Variants in UNC13C observed in about 807,000 individuals in gnomAD.
The protein encoded by UNC13C is unc-13 homolog C.
A neutral mutation model predicts 245.4 loss-of-function variants in UNC13C; 174 were observed. That is an observed-to-expected ratio of 0.71 (90% CI 0.63 to 0.80). The LOEUF (loss-of-function observed/expected upper bound fraction) is 0.80. Among genes scored for constraint, UNC13C ranks in the 30% least tolerant of loss-of-function variants. The pLI is 0.00. For synonymous variants in UNC13C, 992 were observed against 895.1 expected (o/e 1.11, Z -1.93); for missense variants, 2,829 against 2,602.9 (o/e 1.09, Z -1.89).
At chr15:54,086,415 A>G (rs1325939598) in intron 2 of UNC13C, among the ~76,000 whole-genome samples, 1 of 152,168 alleles carries the variant, frequency 6.6e-6, no homozygotes, top group Non-Finnish European at 1.5e-5. Context: ...TATCTCCTTA[A>G]GAGTCACATG....
At chr15:54,288,975 A>G (rs1029347886) in intron 10 of UNC13C, among the ~76,000 whole-genome samples, 3 of 152,096 alleles carry the variant, frequency 2.0e-5, no homozygotes, top group African/African-American at 7.2e-5. Flanking sequence ...GCTACCATTC[A>G]TTTTGACTCG....
At chr15:54,395,483 A>G (rs1334119868) in intron 18 of UNC13C, among the ~76,000 whole-genome samples, 5 of 151,938 alleles carry the variant, frequency 3.3e-5, no homozygotes, top group Admixed American at 3.3e-4. Flanking sequence ...CAATTGACAC[A>G]GAAGTCTGCA....
Position 54,584,010 on chromosome 15 carries a change from G to C in UNC13C, c.6106+16063G>C, listed in dbSNP as rs555434634. On this transcript the variant is annotated intron_variant, in intron 30 of 32. Transcript: ENST00000260323. Reference sequence around the variant, plus strand: ...CCAGACTTCCCCTCGGGCTCCTGCCGCTCTCTGGACCTCTCTGGGATGTGT... The same window carrying C: ...CCAGACTTCCCCTCGGGCTCCTGCCCCTCTCTGGACCTCTCTGGGATGTGT... 2.0e-3 allele frequency among the ~76,000 whole-genome samples: 299 copies of C among 152,240 alleles called. 4 individuals carry two copies. The highest frequency in any genetic ancestry group is 6.9e-3 in the African/African-American group (287 of 41,540).
At chr15:54,220,594 A>G (rs992496967) in intron 4 of UNC13C, among the ~76,000 whole-genome samples, 1 of 149,292 alleles carries the variant, frequency 6.7e-6, no homozygotes. Context: ...CTTAAAGTAT[A>G]ATAATAATAA....
chr15:53,903,650 C>A, the UNC13C span, among the ~76,000 whole-genome samples: 1 of 152,174 alleles, frequency 6.6e-6, no homozygotes, highest in Non-Finnish European at 1.5e-5. Context: ...CACGACTGTT[C>A]AAGACCTACT....
chr15:54,255,448 C>A (rs773466534), intron 8 of UNC13C, among the ~76,000 whole-genome samples: 9 of 152,050 alleles, frequency 5.9e-5, no homozygotes, highest in African/African-American at 2.2e-4. Flanking sequence ...GATAGTCTGC[C>A]GACGTGACGA....
At chr15:54,084,686 A>C (rs996912614) in intron 2 of UNC13C, among the ~76,000 whole-genome samples, 1 of 152,230 alleles carries the variant, frequency 6.6e-6, no homozygotes, top group African/African-American at 2.4e-5. Flanking sequence ...ACATAAAAAC[A>C]TGCAGAATAT....
At chr15:54,043,747 C>G (rs536720315) in intron 2 of UNC13C, among the ~76,000 whole-genome samples, 1 of 152,278 alleles carries the variant, frequency 6.6e-6, no homozygotes, top group South Asian at 2.1e-4. Context: ...GTGTCCTACT[C>G]TTTTCATCTA....
At chr15:54,375,881 A>G (rs2039596490) in intron 17 of UNC13C, among the ~76,000 whole-genome samples, 1 of 152,232 alleles carries the variant, frequency 6.6e-6, no homozygotes, top group African/African-American at 2.4e-5. Flanking sequence ...GTGTGACAAT[A>G]AATGTATATT....
At chr15:54,531,254 G>A (rs940064020) in intron 25 of UNC13C, among the ~76,000 whole-genome samples, 6 of 152,136 alleles carry the variant, frequency 3.9e-5, no homozygotes, top group Non-Finnish European at 8.8e-5. Flanking sequence ...GAAGCCATGG[G>A]ACTAGATGTG....
At chr15:53,894,152 G>A in the UNC13C span, among the ~76,000 whole-genome samples, 159 of 152,276 alleles carry the variant, frequency 1.0e-3, no homozygotes, top group South Asian at 2.7e-3. Flanking sequence ...GCTTTGGCTC[G>A]CCCTCTGTGG....
At chr15:54,554,156 T>A (rs542165838) in intron 28 of UNC13C, among the ~76,000 whole-genome samples, 115 of 152,100 alleles carry the variant, frequency 7.6e-4, no homozygotes, top group South Asian at 1.9e-3. Flanking sequence ...ACAATCCAAT[T>A]ACCAAAAATT....
At position 54,627,093 on chromosome 15, in the gene UNC13C, T is replaced by G. The variant is rs769379015; in HGVS notation, c.6625T>G (p.Ser2209Ala). 3 of 1,612,006 alleles carry G rather than the reference T, an allele frequency of 1.9e-6. No homozygotes were observed. Among genetic ancestry groups the G allele is most frequent in the Non-Finnish European group, 2.5e-6 (3 of 1,178,828 alleles). ...EFVRLKSETRSTEESA is the reference protein window; with the variant it reads ...EFVRLKSETRATEESA ...TGTAAGACTTAAATCTGAAACAAGA[T>G]CTACTGAAGAGAGTGCTTGAAACAA... The change falls in exon 33 of 33, where the codon TCT becomes GCT. Residue 2209 changes from serine to alanine, a missense_variant. By Grantham distance (99) the Ser-to-Ala change is moderately conservative (BLOSUM62 1). Transcript: ENST00000260323.
chr15:54,405,209 G>T (rs555307918), intron 18 of UNC13C, among the ~76,000 whole-genome samples: 5 of 152,150 alleles, frequency 3.3e-5, no homozygotes, highest in Non-Finnish European at 7.4e-5. Flanking sequence ...CATTTGACAA[G>T]TGAGAAAATG....
intron 30 of UNC13C, among the ~76,000 whole-genome samples, chr15:54,594,304 C>T (rs570858087): frequency 1.3e-5 from 2 of 152,166 alleles, no homozygotes; most frequent in African/African-American, 4.8e-5. Context: ...GGGTTGACCT[C>T]CTGCCAGGAG....
chr15:54,198,286 C>G (rs1377604095), intron 4 of UNC13C, among the ~76,000 whole-genome samples: 5 of 152,094 alleles, frequency 3.3e-5, no homozygotes, highest in African/African-American at 1.2e-4. Flanking sequence ...GCCCTGCCCA[C>G]CACCTGAGAA....
chr15:54,542,065 C>T (rs569188379), intron 26 of UNC13C, among the ~76,000 whole-genome samples: 7 of 152,056 alleles, frequency 4.6e-5, no homozygotes, highest in Admixed American at 1.3e-4. Context: ...ATATGGGTTC[C>T]GTTGTCCTTT....
At chr15:54,452,549 A>G (rs761695874) in intron 19 of UNC13C, among the ~76,000 whole-genome samples, 5 of 152,192 alleles carry the variant, frequency 3.3e-5, no homozygotes, top group Non-Finnish European at 7.3e-5. Context: ...GGGCAGGACA[A>G]TCCCAAGATT....
At chr15:54,577,071 A>G (rs1897984538) in intron 30 of UNC13C, among the ~76,000 whole-genome samples, 1 of 152,176 alleles carries the variant, frequency 6.6e-6, no homozygotes, top group Non-Finnish European at 1.5e-5. Flanking sequence ...GTGTATGAGT[A>G]TGTGTGCATC....
Sources: gnomAD v4.1 joint callset for allele counts (sites outside exome capture counted in the v4.1 genomes callset) on GRCh38, gnomAD v4.1.1 for gene constraint, MANE v1.5 for transcripts, NCBI Gene and HGNC (gene_info 2026-07-23, HGNC 2026-07-21) for gene names.